The following SEPHS1 variants were observed in gnomAD, a reference collection of about 807,000 sequenced individuals.
The protein encoded by SEPHS1 is selenophosphate synthetase 1.
SEPHS1 carries 7 observed loss-of-function variants against 39.2 expected under a neutral mutation model. The ratio of observed to expected loss-of-function variants is 0.18; its 90% CI spans 0.10 to 0.34. The LOEUF is 0.34. Among genes scored for constraint, SEPHS1 ranks in the 10% least tolerant of loss-of-function variants. The probability of loss-of-function intolerance (pLI) is 1.00; values close to 1 mark genes in which losing one functional copy is unlikely to be tolerated. For missense variants in SEPHS1, 253 were observed against 514.5 expected (o/e 0.49, Z 4.92); for synonymous variants, 190 against 195.5 (o/e 0.97, Z 0.23).
chr10:13,348,211 CCCGCCGG>C lies in SEPHS1; in HGVS notation c.-297_-291del, dbSNP rs1023680594. Reference sequence around the variant, plus strand: ...CCTGCGGGAGCCGGGCCGCCGCGCTCCCGCCGGCTGGGCGCGCGGGGGTCCTTTAAGG... The same window carrying C: ...CCTGCGGGAGCCGGGCCGCCGCGCTCCTGGGCGCGCGGGGGTCCTTTAAGG... On this transcript the variant is annotated 5_prime_UTR_variant, in exon 1 of 9. Coordinates refer to ENST00000327347, the MANE Select transcript of SEPHS1 (RefSeq NM_012247.5). 2.7e-5 allele frequency: 4 copies of C among 145,962 alleles called. No individual in the cohort carries two copies. Among genetic ancestry groups the C allele is most frequent in the African/African-American group, 9.9e-5 (4 of 40,436 alleles). The allele number at this position is 145,962 out of a possible 1,614,324, so 9.0% of individuals were successfully genotyped here.
intron 7 of SEPHS1, among the ~76,000 whole-genome samples, chr10:13,326,771 T>C (rs551945156): frequency 6.6e-6 from 1 of 152,244 alleles, no homozygotes; most frequent in African/African-American, 2.4e-5. Context: ...TGGACTCAAG[T>C]GATCCTCCTG....
At chr10:13,337,926 T>C (rs554551537) in intron 3 of SEPHS1, among the ~76,000 whole-genome samples, 2 of 152,330 alleles carry the variant, frequency 1.3e-5, no homozygotes, top group South Asian at 4.1e-4. Flanking sequence ...GTCCCTACAG[T>C]GCAGCCTGAT....
chr10:13,320,245 G>A (rs1332965567), intron 8 of SEPHS1, among the ~76,000 whole-genome samples: 1 of 150,244 alleles, frequency 6.7e-6, no homozygotes, highest in Non-Finnish European at 1.5e-5. Flanking sequence ...GCAGTGGTGT[G>A]ATCTCGGCTC....
intron 8 of SEPHS1, chr10:13,322,012 C>T: frequency 2.2e-6 from 1 of 454,550 alleles, no homozygotes; most frequent in South Asian, 1.6e-5. Context: ...CCTACGCTTG[C>T]TCCATCTCCC....
chr10:13,339,238 T>G (rs1833722934), intron 2 of SEPHS1, among the ~76,000 whole-genome samples: 1 of 152,194 alleles, frequency 6.6e-6, no homozygotes, highest in Non-Finnish European at 1.5e-5. Flanking sequence ...TATCGTATTG[T>G]CCCATCAGAA....
intron 8 of SEPHS1, among the ~76,000 whole-genome samples, chr10:13,322,585 C>T (rs1833148961): frequency 6.6e-6 from 1 of 152,166 alleles, no homozygotes; most frequent in African/African-American, 2.4e-5. Flanking sequence ...ACCTTATTTC[C>T]CCCATCACCA....
intron 2 of SEPHS1, among the ~76,000 whole-genome samples, chr10:13,342,013 C>A (rs1484004612): frequency 6.7e-6 from 1 of 149,390 alleles, no homozygotes; most frequent in Admixed American, 6.7e-5. Context: ...GGCGCGGTGT[C>A]TCACGCCTGT....
At chr10:13,324,873 G>A (rs1019228795) in intron 7 of SEPHS1, among the ~76,000 whole-genome samples, 5 of 152,188 alleles carry the variant, frequency 3.3e-5, no homozygotes, top group African/African-American at 1.2e-4. Context: ...GTATGTGGTG[G>A]CATCTCAATC....
intron 5 of SEPHS1, among the ~76,000 whole-genome samples, chr10:13,333,108 G>C (rs1370458650): frequency 6.6e-6 from 1 of 151,474 alleles, no homozygotes; most frequent in Non-Finnish European, 1.5e-5. Context: ...GAATGGTATA[G>C]TACGCAAATT....
intron 7 of SEPHS1, among the ~76,000 whole-genome samples, chr10:13,323,882 C>T (rs1268014531): frequency 6.6e-6 from 1 of 152,060 alleles, no homozygotes; most frequent in Non-Finnish European, 1.5e-5. Context: ...CAAGTGTGAG[C>T]CACTGCTCAA....
chr10:13,338,611 C>T (rs1472970802), intron 3 of SEPHS1, 94 bp downstream of exon 3: 2 of 1,003,098 alleles, frequency 2.0e-6, no homozygotes, highest in Non-Finnish European at 3.1e-6. Context: ...AGAAATAAAA[C>T]CAAAACCCCA....
intron 5 of SEPHS1, among the ~76,000 whole-genome samples, chr10:13,330,633 A>G (rs1833433648): frequency 6.6e-6 from 1 of 152,108 alleles, no homozygotes; most frequent in South Asian, 2.1e-4. Flanking sequence ...ACCCAAGTCG[A>G]TGAAAACAAA....
intron 1 of SEPHS1, 106 bp from the exon 2 acceptor site, chr10:13,345,134 G>C (rs1286072664): frequency 1.7e-5 from 8 of 469,718 alleles, no homozygotes; most frequent in Non-Finnish European, 2.6e-5. Flanking sequence ...GACAAGGGCT[G>C]AAATCATCAA....
chr10:13,320,363 A>G lies in SEPHS1; in HGVS notation c.965-1007T>C, dbSNP rs551192016. Among the ~76,000 whole-genome samples the G allele has an allele frequency of 2.6e-3, 395 of 151,898 alleles. 3 individuals are homozygous for G. Among genetic ancestry groups the G allele is most frequent in the African/African-American group, 8.9e-3 (371 of 41,498 alleles). ...CACCCGGCTAATTTTTTGTATTTTTAGTAGAGACAGGGTTTCACCGTGTTA... is the reference window on the plus strand; with the variant it reads ...CACCCGGCTAATTTTTTGTATTTTTGGTAGAGACAGGGTTTCACCGTGTTA... On this transcript the variant is annotated intron_variant, in intron 8 of 8. Transcript: ENST00000327347.
intron 7 of SEPHS1, among the ~76,000 whole-genome samples, chr10:13,326,710 A>C (rs910864414): frequency 3.9e-5 from 6 of 151,938 alleles, no homozygotes; most frequent in Non-Finnish European, 8.8e-5. Flanking sequence ...AGGCGCAGCT[A>C]AAGAGACGAG....
chr10:13,326,703 C>A (rs546580413), intron 7 of SEPHS1, among the ~76,000 whole-genome samples: 3 of 151,840 alleles, frequency 2.0e-5, no homozygotes, highest in African/African-American at 7.3e-5. Flanking sequence ...ATGCACCAGG[C>A]GCAGCTAAAG....
At chr10:13,347,549 G>T (rs1047334018) in intron 1 of SEPHS1, among the ~76,000 whole-genome samples, 2 of 146,894 alleles carry the variant, frequency 1.4e-5, no homozygotes. Context: ...GAGCCGGGGA[G>T]GACGCCGGGA....
chr10:13,341,347 C>G (rs1399679330), intron 2 of SEPHS1, among the ~76,000 whole-genome samples: 1 of 149,832 alleles, frequency 6.7e-6, no homozygotes, highest in East Asian at 1.9e-4. Context: ...GTTTAATGAC[C>G]AGGAGGCAAT....
chr10:13,319,809 C>A (rs747310135), intron 8 of SEPHS1, among the ~76,000 whole-genome samples: 3 of 152,182 alleles, frequency 2.0e-5, no homozygotes, highest in Non-Finnish European at 4.4e-5. Flanking sequence ...TGTAATTAAG[C>A]AATTGCTAGT....
Sources: gnomAD v4.1 joint callset for allele counts (sites outside exome capture counted in the v4.1 genomes callset) on GRCh38, gnomAD v4.1.1 for gene constraint, MANE v1.5 for transcripts, NCBI Gene and HGNC (gene_info 2026-07-23, HGNC 2026-07-21) for gene names.